Variants in HS3ST4 observed in about 807,000 individuals in gnomAD.
HS3ST4 encodes heparan sulfate-glucosamine 3-sulfotransferase 4.
A neutral mutation model predicts 29.2 loss-of-function variants in HS3ST4; 17 were observed. The observed-to-expected ratio is 0.58, with a 90% confidence interval of 0.40 to 0.87. The LOEUF (loss-of-function observed/expected upper bound fraction) is 0.87, where lower values mean the gene tolerates loss of function less well. Among genes scored for constraint, HS3ST4 ranks in the 40% least tolerant of loss-of-function variants. The pLI is 0.00. For missense variants in HS3ST4, 627 were observed against 634.5 expected, an observed-to-expected ratio of 0.99 and a Z score of 0.13; for synonymous variants, 314 against 285.7, an observed-to-expected ratio of 1.10 and a Z score of -1.00.
intron 1 of HS3ST4, among the ~76,000 whole-genome samples, chr16:26,001,729 C>T (rs765308681): frequency 1.3e-5 from 2 of 152,108 alleles, no homozygotes; most frequent in Non-Finnish European, 2.9e-5. Flanking sequence ...AGGGTTTCCT[C>T]AGTGCTTGCA....
intron 1 of HS3ST4, among the ~76,000 whole-genome samples, chr16:26,095,098 G>A (rs1309387730): frequency 6.6e-6 from 1 of 152,174 alleles, no homozygotes; most frequent in Non-Finnish European, 1.5e-5. Flanking sequence ...CAATACAGGA[G>A]TGCCCAGATT....
At chr16:25,748,347 T>C (rs1966697909) in intron 1 of HS3ST4, among the ~76,000 whole-genome samples, 1 of 152,204 alleles carries the variant, frequency 6.6e-6, no homozygotes, top group Admixed American at 6.5e-5. Flanking sequence ...TCAGTCTCAC[T>C]GTGCATTGCT....
At chr16:25,937,195 A>G (rs1176923645) in intron 1 of HS3ST4, among the ~76,000 whole-genome samples, 1 of 152,074 alleles carries the variant, frequency 6.6e-6, no homozygotes. Context: ...ACAAAAGAGA[A>G]AGTAGGTGGA....
chr16:26,077,522 T>C (rs1447918162), intron 1 of HS3ST4, among the ~76,000 whole-genome samples: 5 of 152,236 alleles, frequency 3.3e-5, no homozygotes, highest in African/African-American at 4.8e-5. Context: ...ACTGTGCTTA[T>C]TGAGCACTTA....
intron 1 of HS3ST4, among the ~76,000 whole-genome samples, chr16:26,073,918 T>A (rs1418381936): frequency 6.6e-6 from 1 of 152,206 alleles, no homozygotes; most frequent in Non-Finnish European, 1.5e-5. Flanking sequence ...TAAGACAAAG[T>A]GTAATTATTT....
At chr16:25,736,269 T>A (rs1221499504) in intron 1 of HS3ST4, among the ~76,000 whole-genome samples, 1 of 152,248 alleles carries the variant, frequency 6.6e-6, no homozygotes, top group South Asian at 2.1e-4. Context: ...TTTGTCATCA[T>A]GTCTCTGCAG....
chr16:25,728,669 G>A (rs1334808425), intron 1 of HS3ST4, among the ~76,000 whole-genome samples: 2 of 152,170 alleles, frequency 1.3e-5, no homozygotes, highest in Non-Finnish European at 2.9e-5. Context: ...CAGTAATACG[G>A]AATCAGAGAC....
intron 1 of HS3ST4, among the ~76,000 whole-genome samples, chr16:25,980,268 C>T (rs759045603): frequency 2.6e-5 from 4 of 152,208 alleles, no homozygotes; most frequent in East Asian, 1.9e-4. Flanking sequence ...CTAATCACAA[C>T]GTGCTCTCAG....
chr16:25,943,661 C>T (rs138543214), intron 1 of HS3ST4, among the ~76,000 whole-genome samples: 322 of 152,234 alleles, frequency 2.1e-3, no homozygotes, highest in African/African-American at 7.3e-3. Flanking sequence ...AACTCCATTA[C>T]GAATTCCATT....
chr16:25,926,364 A>G (rs982177758), intron 1 of HS3ST4, among the ~76,000 whole-genome samples: 25 of 152,196 alleles, frequency 1.6e-4, no homozygotes, highest in African/African-American at 5.5e-4. Flanking sequence ...ATAATCTGGT[A>G]TTTGTTGTTT....
rs1305361400 is a variant in HS3ST4, at chr16:25,717,510, G to GGGGTGT, written c.734+24360_734+24361insGGTGTG. Among the ~76,000 whole-genome samples, 166 of 132,906 alleles carry GGGGTGT rather than the reference G, an allele frequency of 1.2e-3. 1 individual carries two copies. Among genetic ancestry groups the GGGGTGT allele is most frequent in the African/African-American group, 4.6e-3 (163 of 35,088 alleles). 87.2% of individuals were successfully genotyped at this position (132,906 alleles called of 152,430 possible). A position where few individuals can be genotyped will look rare whatever the true frequency, so the allele number is the denominator to read the frequency against. Reference sequence around the variant, plus strand: ...CTGAAGGATGAGTAGAAGGTGAAGGGGTGTGTGTGTGTGTGTGTGTGTGTG... The same window carrying GGGGTGT: ...CTGAAGGATGAGTAGAAGGTGAAGGGGGGTGTGTGTGTGTGTGTGTGTGTGTGTGTG... On this transcript the variant is annotated intron_variant, in intron 1 of 1. Coordinates refer to ENST00000331351, the MANE Select transcript of HS3ST4 (RefSeq NM_006040.3).
chr16:25,860,559 G>A (rs1967626282), intron 1 of HS3ST4, among the ~76,000 whole-genome samples: 2 of 152,086 alleles, frequency 1.3e-5, no homozygotes, highest in African/African-American at 4.8e-5. Context: ...ACAAGCCATT[G>A]AGCCATGAAA....
chr16:25,807,223 C>G (rs1266372117), intron 1 of HS3ST4, among the ~76,000 whole-genome samples: 2 of 152,198 alleles, frequency 1.3e-5, no homozygotes, highest in East Asian at 3.9e-4. Flanking sequence ...ATCCACCCAC[C>G]TTGGCCTTCC....
chr16:25,880,089 T>A (rs1218079605), intron 1 of HS3ST4, among the ~76,000 whole-genome samples: 1 of 152,196 alleles, frequency 6.6e-6, no homozygotes, highest in Non-Finnish European at 1.5e-5. Context: ...ATTAAGTGGG[T>A]AGCTAATAAT....
intron 1 of HS3ST4, among the ~76,000 whole-genome samples, chr16:25,929,031 A>G (rs1311466258): frequency 6.6e-6 from 1 of 152,116 alleles, no homozygotes; most frequent in Non-Finnish European, 1.5e-5. Context: ...GTGTAGAAAA[A>G]CTAGAAAGGA....
chr16:25,897,786 G>A (rs1968084038), intron 1 of HS3ST4, among the ~76,000 whole-genome samples: 1 of 152,042 alleles, frequency 6.6e-6, no homozygotes, highest in East Asian at 1.9e-4. Flanking sequence ...AAAGACTCTG[G>A]CTGATGAGAT....
chr16:25,743,928 A>G (rs1430293998), intron 1 of HS3ST4, among the ~76,000 whole-genome samples: 1 of 152,182 alleles, frequency 6.6e-6, no homozygotes, highest in Non-Finnish European at 1.5e-5. Flanking sequence ...CATTTCCCAT[A>G]GTCTTTATCA....
At chr16:26,052,527 C>T (rs768613851) in intron 1 of HS3ST4, among the ~76,000 whole-genome samples, 9 of 152,140 alleles carry the variant, frequency 5.9e-5, no homozygotes, top group East Asian at 1.9e-4. Context: ...CCCACCACCA[C>T]GCCTGGCTAA....
intron 1 of HS3ST4, among the ~76,000 whole-genome samples, chr16:26,048,294 A>G (rs760395462): frequency 6.6e-6 from 1 of 152,240 alleles, no homozygotes; most frequent in Non-Finnish European, 1.5e-5. Context: ...TTAGGGAGGA[A>G]GCAATTCAGT....
Sources: allele counts gnomAD v4.1 joint callset (sites outside exome capture counted in the v4.1 genomes callset), GRCh38; gene constraint gnomAD v4.1.1; transcripts MANE v1.5; gene names NCBI Gene and HGNC (gene_info 2026-07-23, HGNC 2026-07-21).